The following NSMF variants were observed in gnomAD, a reference collection of about 807,000 sequenced individuals.
NSMF encodes the protein NMDA receptor synaptonuclear signaling and neuronal migration factor, also known as nasal embryonic LHRH factor.
Under a neutral mutation model 71.0 loss-of-function variants are expected in NSMF, and 31 were observed. The observed-to-expected ratio is 0.44, with a 90% CI of 0.33 to 0.59. The LOEUF is 0.59. NSMF is among the 20% of genes least tolerant of loss of function. NSMF has a pLI of 0.04. For synonymous variants in NSMF, 345 were observed against 287.1 expected, an observed-to-expected ratio of 1.20 and a Z score of -2.04; for missense variants, 673 against 740.5, an observed-to-expected ratio of 0.91 and a Z score of 1.06.
rs1300079379 is a variant in NSMF at position 137,453,868 on chromosome 9, G to C, written c.833-48C>G. On this transcript the variant is annotated intron_variant, in intron 7 of 15. Transcript: ENST00000371475. The surrounding 1 kb of genome is among the most constrained non-coding windows in gnomAD (Gnocchi z 4.5). Reference sequence around the variant, plus strand: ...TAGCGAGCGGGTGGGGCGGGGCCTCGGGAGTCTCAGACCCCAGGCGAGGGG... The same window carrying C: ...TAGCGAGCGGGTGGGGCGGGGCCTCCGGAGTCTCAGACCCCAGGCGAGGGG... 6.7e-7 allele frequency: 1 copy of C among 1,491,204 alleles called. No homozygotes were observed. Among genetic ancestry groups the C allele is most frequent in the Non-Finnish European group, 9.0e-7 (1 of 1,105,078 alleles). The allele number at this position is 1,491,204 out of a possible 1,614,324, so 92.4% of individuals were successfully genotyped here.
chr9:137,458,812 C>T (rs1831013240), intron 1 of NSMF, among the ~76,000 whole-genome samples: 1 of 152,102 alleles, frequency 6.6e-6, no homozygotes, highest in Non-Finnish European at 1.5e-5. Flanking sequence ...GAGGCCACTC[C>T]CGACCTGGGG....
At chr9:137,458,214 T>G (rs1830953261) in intron 2 of NSMF, among the ~76,000 whole-genome samples, 1 of 152,118 alleles carries the variant, frequency 6.6e-6, no homozygotes, top group African/African-American at 2.4e-5. Context: ...CCCCACCAGC[T>G]GGCCCCCAGA....
Position 137,453,222 on chromosome 9 carries a change from ACCT to A in NSMF, c.923-45_923-43del. 6.2e-7 allele frequency: 1 copy of A among 1,609,602 alleles called. No individual in the cohort carries two copies. The highest frequency in any genetic ancestry group is 2.2e-5 in the East Asian group (1 of 44,828). On this transcript the variant is annotated intron_variant, in intron 8 of 15. Coordinates refer to ENST00000371475, the MANE Select transcript of NSMF (RefSeq NM_001130969.3). This position sits in a 1 kb window ranked among gnomAD's most constrained non-coding sequence, Gnocchi z 4.5. ...TCACCAGGACAGCAGGCCCGGCAGCACCTCCTATCCTGGCCATGGCCCCAAGGC... is the reference window on the plus strand; with the variant it reads ...TCACCAGGACAGCAGGCCCGGCAGCACCTATCCTGGCCATGGCCCCAAGGC...
rs1218576251 is a variant in NSMF, at chr9:137,457,859, G to T, written c.176C>A (p.Pro59His). Residue 59 changes from proline to histidine, a missense_variant, in exon 3 of 16, where the codon CCC (proline) becomes CAC (histidine). Around this residue, in one of 2 missense-constraint regions of NSMF, gnomAD observed 471 missense variants for 459.6 expected, o/e 1.02. Coordinates refer to ENST00000371475, the MANE Select transcript of NSMF (RefSeq NM_001130969.3). Reference sequence around the variant, plus strand: ...GTTCTGGGGGGCCGGCTGCATCTCGGGGGACCCGTCGTGGCCAGAGTAGGC... The same window carrying T: ...GTTCTGGGGGGCCGGCTGCATCTCGTGGGACCCGTCGTGGCCAGAGTAGGC... ...ADAYSGHDGS[P>H]EMQPAPQNKR... 6.4e-7 allele frequency: 1 copy of T among 1,551,596 alleles called. No individual in the cohort carries two copies. Among genetic ancestry groups the T allele is most frequent in the Non-Finnish European group, 8.7e-7 (1 of 1,149,356 alleles).
rs757656823 is a variant in NSMF at position 137,450,007 on chromosome 9, G to A, written c.1335C>T (p.Ser445=). The change falls in exon 14 of 16, where the codon AGC becomes AGT. Residue 445 remains serine (S), a synonymous_variant. Coordinates refer to ENST00000371475, the MANE Select transcript of NSMF (RefSeq NM_001130969.3). The stretch of plus-strand genomic sequence containing the variant: ...CTGGGTTCACTTTGCTCATCAGGCG[G>A]CTCAGCCGCTTCCAGAAGCTGGTGG... ...EDMIHFWKRL[S]RLMSKVNPEP... 1 of 1,612,994 alleles carries A rather than the reference G, an allele frequency of 6.2e-7. No individual in the cohort carries two copies. Among genetic ancestry groups the A allele is most frequent in the Non-Finnish European group, 8.5e-7 (1 of 1,179,880 alleles).
chr9:137,452,177 C>CTTG, intron 12 of NSMF, among the ~76,000 whole-genome samples, 188 bp downstream of exon 12: 1 of 88,108 alleles, frequency 1.1e-5, no homozygotes, highest in Admixed American at 1.1e-4. Flanking sequence ...CCCCCAGCCA[C>CTTG]ACCTCTTCCC....
intron 1 of NSMF, 36 bp downstream of exon 1, chr9:137,458,996 G>A: frequency 7.9e-7 from 1 of 1,268,704 alleles, no homozygotes; most frequent in Non-Finnish European, 1.0e-6. Context: ...CGGAGGTCCA[G>A]GGCGGGGTGC....
chr9:137,455,654 G>A lies in NSMF; in HGVS notation c.705-20C>T, dbSNP rs1337606807. ...GAGATGCTGAAGCCAGGGCCAGAAG[G>A]GATGGCGTGAGAGAGAAGACACAGT... On this transcript the variant is annotated intron_variant, in intron 4 of 15. Coordinates refer to ENST00000371475, the MANE Select transcript of NSMF (RefSeq NM_001130969.3). The A allele has an allele frequency of 6.4e-7, 1 of 1,550,392 alleles. No individual in the cohort carries two copies. Among genetic ancestry groups the A allele is most frequent in the Non-Finnish European group, 8.7e-7 (1 of 1,146,896 alleles).
intron 3 of NSMF, among the ~76,000 whole-genome samples, chr9:137,456,702 CTTTGA>C (rs1830854342): frequency 2.0e-5 from 3 of 152,206 alleles, no homozygotes; most frequent in Non-Finnish European, 2.9e-5. Context: ...TAACTTGACG[CTTTGA>C]TTTTTTTGGC....
At position 137,448,841 on chromosome 9, in the gene NSMF, C is replaced by T. The variant is rs1839739686; in HGVS notation, c.*553G>A. On this transcript the variant is annotated 3_prime_UTR_variant, in exon 16 of 16. Coordinates refer to ENST00000371475, the MANE Select transcript of NSMF (RefSeq NM_001130969.3). The surrounding 1 kb of genome is among the most constrained non-coding windows in gnomAD (Gnocchi z 5.3). ...GTGTAGACAGACCCAGAGACTCGGC[C>T]AGTGTAGACAGAGCCAGGCTGGGCA... 1 of 200,816 alleles carries T rather than the reference C, an allele frequency of 5.0e-6. No individual in the cohort carries two copies. Among genetic ancestry groups the T allele is most frequent in the Non-Finnish European group, 1.0e-5 (1 of 96,442 alleles). The allele number at this position is 200,816 out of a possible 1,614,324, so 12.4% of individuals were successfully genotyped here.
At chr9:137,456,363 G>A (rs754008232) in intron 4 of NSMF, 48 bp downstream of exon 4, 1 of 1,461,144 alleles carries the variant, frequency 6.8e-7, no homozygotes, top group South Asian at 1.1e-5. Context: ...CTGAGCAGCA[G>A]AAAGAGACCA....
chr9:137,449,502 C>A lies in NSMF; in HGVS notation c.1496-11G>T. 5 of 1,612,568 alleles carry A rather than the reference C, an allele frequency of 3.1e-6. No individual in the cohort carries two copies. The highest frequency in any genetic ancestry group is 4.2e-6 in the Non-Finnish European group (5 of 1,179,718). On this transcript the variant is annotated splice_polypyrimidine_tract_variant and intron_variant, in intron 15 of 15. Transcript: ENST00000371475. ...CGATCATCTGCTTCCCTGGGCGGAGCGGGGGCAGGAGGCTCAGGCCTGGCC... is the reference window on the plus strand; with the variant it reads ...CGATCATCTGCTTCCCTGGGCGGAGAGGGGGCAGGAGGCTCAGGCCTGGCC...
Position 137,449,865 on chromosome 9 carries a change from T to A in NSMF, c.1419+58A>T, listed in dbSNP as rs182251398. On this transcript the variant is annotated intron_variant, in intron 14 of 15. Transcript: ENST00000371475. The stretch of plus-strand genomic sequence containing the variant: ...CCAGGAAACATGGAAGGCTCTGCCC[T>A]GTCTGTCCACGTCGGGGGTTTCCAG... The A allele has an allele frequency of 8.3e-4, 1,203 of 1,457,498 alleles. 8 individuals are homozygous for A. The highest frequency in any genetic ancestry group is 5.1e-5 in the Non-Finnish European group (53 of 1,038,606). The allele number at this position is 1,457,498 out of a possible 1,614,324, so 90.3% of individuals were successfully genotyped here. A position where few individuals can be genotyped will look rare whatever the true frequency, so the allele number is the denominator to read the frequency against.
intron 12 of NSMF, among the ~76,000 whole-genome samples, chr9:137,451,899 A>C (rs1334757822): frequency 1.7e-4 from 3 of 18,178 alleles, no homozygotes; most frequent in African/African-American, 3.0e-4. Context: ...GGTCTTCCCC[A>C]ACCCCAGCCT....
In NSMF at chr9:137,452,699, G is replaced by A. The variant is rs761709719; in HGVS notation, c.1131+37C>T. ...GCTGGCCCAGGGTGGGGCCGCAAGA[G>A]GGCATCTGTTGGGGGCAGGCCCGGG... is the stretch of plus-strand genomic sequence containing the variant. On this transcript the variant is annotated intron_variant, in intron 10 of 15. Transcript: ENST00000371475. The A allele has an allele frequency of 2.3e-5, 37 of 1,602,252 alleles. 1 individual carries two copies. The East Asian group carries it at 6.3e-4, about 27-fold the overall frequency.
chr9:137,452,626 C>T (rs763835845), intron 10 of NSMF, 40 bp from the exon 11 acceptor site: 34 of 1,612,042 alleles, frequency 2.1e-5, no homozygotes, highest in Admixed American at 8.3e-5. Context: ...ATCAAGGCTG[C>T]GTCAGAGCCA....
intron 12 of NSMF, among the ~76,000 whole-genome samples, chr9:137,450,750 T>C (rs1403235742): frequency 1.5e-4 from 2 of 12,944 alleles, no homozygotes; most frequent in Non-Finnish European, 2.8e-4. Context: ...CGCCTCTTCC[T>C]CTTAATTCCC....
At chr9:137,458,032 A>G (rs1209811914) in intron 2 of NSMF, 131 bp from the exon 3 acceptor site, 3 of 1,315,464 alleles carry the variant, frequency 2.3e-6, no homozygotes, top group Middle Eastern at 2.5e-4. Context: ...CCCAAACCCT[A>G]GTCACTGGCG....
chr9:137,449,406 G>A lies in NSMF; in HGVS notation c.1581C>T (p.Asp527=), dbSNP rs369489711. 3.7e-6 allele frequency: 6 copies of A among 1,612,624 alleles called. No individual in the cohort carries two copies. Among genetic ancestry groups the A allele is most frequent in the South Asian group, 1.1e-5 (1 of 91,088 alleles). ...AGGCCTCTGCCCCTCACAGGACGTC[G>A]TCAAAGTCCAGCAGCTTCGAGTGCT... ...SRQHSKLLDF[D]DVL is the part of the protein sequence containing the mutation. Residue 527 remains aspartate, a synonymous_variant, in exon 16 of 16, where the codon GAC becomes GAT. Transcript: ENST00000371475.
Sources: allele counts gnomAD v4.1 joint callset (sites outside exome capture counted in the v4.1 genomes callset), GRCh38; gene constraint gnomAD v4.1.1; regional missense constraint gnomAD v4.1.1; non-coding constraint Gnocchi (gnomAD v3.1); transcripts MANE v1.5; gene names NCBI Gene and HGNC (gene_info 2026-07-23, HGNC 2026-07-21).